DENND5A: variants seen among roughly 807,000 people sequenced by gnomAD.
The protein encoded by DENND5A is DENN domain containing 5A, also known as DENN domain-containing protein 5A.
DENND5A carries 64 observed loss-of-function variants against 140.3 expected under a neutral mutation model. The ratio of observed to expected loss-of-function variants is 0.46; its 90% CI spans 0.37 to 0.56. The LOEUF (loss-of-function observed/expected upper bound fraction) is 0.56, where lower values mean the gene tolerates loss of function less well. Ranked by LOEUF, DENND5A falls within the 20% of genes least tolerant of loss-of-function variation. The probability of loss-of-function intolerance (pLI) is 0.00; values close to 1 mark genes in which losing one functional copy is unlikely to be tolerated. For missense variants in DENND5A, 1,292 were observed against 1,593.8 expected (o/e 0.81, Z 3.22); for synonymous variants, 605 against 607.7 (o/e 1.00, Z 0.07).
At chr11:9,252,079 C>G (rs1195112242) in intron 1 of DENND5A, among the ~76,000 whole-genome samples, 3 of 149,232 alleles carry the variant, frequency 2.0e-5, no homozygotes, top group African/African-American at 7.4e-5. Flanking sequence ...GCGGGCGGAT[C>G]ACGAGGTCCA....
chr11:9,197,433 C>T (rs1369710822), intron 4 of DENND5A, among the ~76,000 whole-genome samples: 4 of 150,214 alleles, frequency 2.7e-5, no homozygotes, highest in Non-Finnish European at 4.4e-5. Flanking sequence ...CAGTGGCTCA[C>T]GCCTGTAATC....
At chr11:9,182,953 G>T (rs1848782516) in intron 5 of DENND5A, among the ~76,000 whole-genome samples, 1 of 152,088 alleles carries the variant, frequency 6.6e-6, no homozygotes, top group South Asian at 2.1e-4. Flanking sequence ...TGAGATGATG[G>T]ATATGCTAAT....
Position 9,147,127 on chromosome 11 carries a change from G to C in DENND5A, c.2760C>G (p.Phe920Leu). The C allele has an allele frequency of 6.2e-7, 1 of 1,614,162 alleles. No homozygotes were observed. ...GCTCCTTCTCGTCATCACAGCGCAGGAAGGCATAGCGCTTATATAACTTTC... is the reference window on the plus strand; with the variant it reads ...GCTCCTTCTCGTCATCACAGCGCAGCAAGGCATAGCGCTTATATAACTTTC... The part of the protein sequence containing the change: ...LTKKLYKRYA[F>L]LRCDDEKEQF... The change falls in exon 16 of 23, where the codon TTC becomes TTG. Residue 920 changes from phenylalanine to leucine, a missense_variant. Coordinates refer to ENST00000328194, the MANE Select transcript of DENND5A (RefSeq NM_015213.4).
chr11:9,220,699 C>G (rs963256998), intron 1 of DENND5A, among the ~76,000 whole-genome samples: 3 of 152,040 alleles, frequency 2.0e-5, no homozygotes, highest in African/African-American at 7.2e-5. Context: ...TCCAGACCAG[C>G]CTGGCTAACA....
chr11:9,191,213 T>C (rs1397947261), intron 5 of DENND5A, among the ~76,000 whole-genome samples: 1 of 151,760 alleles, frequency 6.6e-6, no homozygotes, highest in Non-Finnish European at 1.5e-5. Flanking sequence ...TGGGTTTCTT[T>C]TCTGTTTTTT....
At chr11:9,171,948 G>T (rs1047205312) in intron 8 of DENND5A, 3 of 152,044 alleles carry the variant, frequency 2.0e-5, no homozygotes, top group Non-Finnish European at 2.9e-5. Flanking sequence ...TATCTGAGAT[G>T]AAAAATACAC....
rs959430226 is a variant in DENND5A at position 9,149,950 on chromosome 11, C to T, written c.2735+131G>A. On this transcript the variant is annotated intron_variant, in intron 15 of 22. Coordinates refer to ENST00000328194, the MANE Select transcript of DENND5A (RefSeq NM_015213.4). ...GGGAGAAGAGGAAATACTGCAAAAC[C>T]TTCATAAGCAAAGAGGTTAGCTGAA... 2.3e-6 allele frequency: 3 copies of T among 1,282,744 alleles called. No homozygotes were observed. The African/African-American group carries it at 4.5e-5, about 19-fold the overall frequency. The allele number at this position is 1,282,744 out of a possible 1,614,324, so 79.5% of individuals were successfully genotyped here. A position where few individuals can be genotyped will look rare whatever the true frequency, so the allele number is the denominator to read the frequency against.
chr11:9,237,075 G>T (rs1264487568), intron 1 of DENND5A, among the ~76,000 whole-genome samples: 1 of 152,124 alleles, frequency 6.6e-6, no homozygotes, highest in Non-Finnish European at 1.5e-5. Flanking sequence ...AAATGTATAT[G>T]AACTATATGA....
chr11:9,143,267 T>G (rs1320885344), intron 20 of DENND5A, 136 bp downstream of exon 20: 1 of 810,692 alleles, frequency 1.2e-6, no homozygotes, highest in Admixed American at 1.9e-5. Flanking sequence ...TCCAACTAGC[T>G]GAGGCACACA....
intron 1 of DENND5A, among the ~76,000 whole-genome samples, chr11:9,234,724 C>A (rs1590315860): frequency 6.6e-6 from 1 of 152,208 alleles, no homozygotes; most frequent in African/African-American, 2.4e-5. Flanking sequence ...GCGATCTGTG[C>A]CTTAAGGACG....
chr11:9,233,259 C>T (rs1850848341), intron 1 of DENND5A, among the ~76,000 whole-genome samples: 1 of 151,978 alleles, frequency 6.6e-6, no homozygotes, highest in Admixed American at 6.6e-5. Flanking sequence ...ATTAACTGGA[C>T]ATGGTGGTGG....
intron 1 of DENND5A, among the ~76,000 whole-genome samples, chr11:9,232,146 C>G (rs1451214976): frequency 6.6e-6 from 1 of 151,792 alleles, no homozygotes; most frequent in East Asian, 1.9e-4. Context: ...AAAAATAAAG[C>G]CTTTAGAAGA....
intron 11 of DENND5A, among the ~76,000 whole-genome samples, chr11:9,162,539 A>ATTTTATTTTAT (rs1848023071): frequency 1.3e-5 from 2 of 151,752 alleles, no homozygotes; most frequent in Non-Finnish European, 2.9e-5. Flanking sequence ...GCGCCTGGCC[A>ATTTTATTTTAT]GTATTTTATT....
intron 1 of DENND5A, among the ~76,000 whole-genome samples, chr11:9,258,323 ACATC>A (rs1852041411): frequency 8.3e-6 from 1 of 120,676 alleles, no homozygotes; most frequent in South Asian, 2.5e-4. Context: ...TCCCCTCCCT[ACATC>A]CATGTGTTCT....
intron 1 of DENND5A, among the ~76,000 whole-genome samples, chr11:9,232,340 C>CA (rs1020754049): frequency 6.6e-6 from 1 of 151,040 alleles, no homozygotes. Flanking sequence ...ATGAAATGAA[C>CA]AAAAAAGACA....
chr11:9,167,431 T>C (rs111886099), intron 10 of DENND5A, among the ~76,000 whole-genome samples: 45 of 147,846 alleles, frequency 3.0e-4, no homozygotes, highest in Non-Finnish European at 1.3e-4. Flanking sequence ...TGCCATGTCC[T>C]CTACTTGAAA....
At chr11:9,223,230 A>AG (rs1156413578) in intron 1 of DENND5A, among the ~76,000 whole-genome samples, 2 of 151,908 alleles carry the variant, frequency 1.3e-5, no homozygotes, top group African/African-American at 4.8e-5. Context: ...CTTTACCAAA[A>AG]GAAAAAAAAA....
chr11:9,196,571 T>C (rs1849336305), intron 4 of DENND5A, among the ~76,000 whole-genome samples: 1 of 152,152 alleles, frequency 6.6e-6, no homozygotes, highest in Non-Finnish European at 1.5e-5. Context: ...TACCCTTCAT[T>C]TTACACTCCT....
chr11:9,174,616 C>T (rs1328120430), intron 8 of DENND5A, among the ~76,000 whole-genome samples: 1 of 151,540 alleles, frequency 6.6e-6, no homozygotes, highest in Admixed American at 6.6e-5. Context: ...GAGAGGATCC[C>T]TTCAGCCCAC....
Sources: allele counts gnomAD v4.1 joint callset (sites outside exome capture counted in the v4.1 genomes callset), GRCh38; gene constraint gnomAD v4.1.1; transcripts MANE v1.5; gene names NCBI Gene and HGNC (gene_info 2026-07-23, HGNC 2026-07-21).